Variants in CATSPERE observed in about 807,000 individuals in gnomAD.
CATSPERE encodes catsper channel auxiliary subunit epsilon.
CATSPERE carries 93 observed loss-of-function variants against 114.1 expected under a neutral mutation model. The observed-to-expected ratio is 0.81, with a 90% CI of 0.69 to 0.97. The LOEUF is 0.97. CATSPERE is among the 50% of genes least tolerant of loss of function. CATSPERE has a pLI of 0.00. For missense variants in CATSPERE, 1,058 were observed against 1,131.6 expected (o/e 0.93, Z 0.93); for synonymous variants, 341 against 384.1 (o/e 0.89, Z 1.31).
intron 13 of CATSPERE, among the ~76,000 whole-genome samples, chr1:244,586,061 A>T (rs1242432356): frequency 6.6e-6 from 1 of 152,178 alleles, no homozygotes; most frequent in Non-Finnish European, 1.5e-5. Context: ...TTAAGGCAGG[A>T]GCTGTCCGGC....
chr1:244,574,848 A>G (rs1187279264), intron 11 of CATSPERE, among the ~76,000 whole-genome samples: 1 of 152,230 alleles, frequency 6.6e-6, no homozygotes, highest in Non-Finnish European at 1.5e-5. Context: ...TTACTTTTAA[A>G]TTATACAATA....
At chr1:244,457,100 T>TA (rs936104711), upstream of CATSPERE, among the ~76,000 whole-genome samples, 5 of 152,066 alleles carry the variant, frequency 3.3e-5, no homozygotes, top group South Asian at 4.1e-4. Flanking sequence ...AGGGTGAATC[T>TA]AAAAAAAATT....
intron 8 of CATSPERE, among the ~76,000 whole-genome samples, chr1:244,542,329 C>G (rs1328839529): frequency 6.6e-6 from 1 of 152,056 alleles, no homozygotes; most frequent in Non-Finnish European, 1.5e-5. Flanking sequence ...CTGTGCTTTT[C>G]TGTTTTTAAA....
rs1664300127 is a variant in CATSPERE at position 244,570,664 on chromosome 1, G to T, written c.1508-1666G>T. Among the ~76,000 whole-genome samples the T allele has an allele frequency of 2.0e-5, 3 of 152,302 alleles. No homozygotes were observed. The South Asian group carries it at 6.2e-4, about 32-fold the overall frequency. ...AAAGCAAGGATGATTTATAAGGTTT[G>T]TAGTCAGCAGTGTGATCAGCAAAAG... On this transcript the variant is annotated intron_variant, in intron 10 of 21. Coordinates refer to ENST00000366534, the MANE Select transcript of CATSPERE (RefSeq NM_001130957.2).
chr1:244,517,456 C>A (rs1676819899), intron 7 of CATSPERE, among the ~76,000 whole-genome samples: 1 of 151,742 alleles, frequency 6.6e-6, no homozygotes, highest in Admixed American at 6.6e-5. Flanking sequence ...ATTTATTAGG[C>A]AAACCTGTAT....
rs536688836 is a variant in CATSPERE at position 244,631,818 on chromosome 1, G to A, written c.2649-3671G>A. ...CAATATCAAATCTGACAAGGATATG[G>A]AATATCAGGAACTCTCATTCATTGC... On this transcript the variant is annotated intron_variant, in intron 20 of 21. Coordinates refer to ENST00000366534, the MANE Select transcript of CATSPERE (RefSeq NM_001130957.2). 3.3e-5 allele frequency among the ~76,000 whole-genome samples: 5 copies of A among 152,316 alleles called. No individual in the cohort carries two copies. In the East Asian group the frequency reaches 7.7e-4, roughly 23 times the overall value.
Position 244,461,480 on chromosome 1 carries a change from C to T in CATSPERE, c.51C>T (p.Gly17=). Residue 17 remains glycine (G), a synonymous_variant, in exon 1 of 22, where the codon GGC becomes GGT. Transcript: ENST00000366534. ...AVLLLWLSCY[G]SALWRYSTNS... ...TGCTGCTGTGGCTGAGCTGCTATGG[C>T]TCCGCCCTTTGGAGGTAGAGAGACG... 11 of 1,335,096 alleles carry T rather than the reference C, an allele frequency of 8.2e-6. No homozygotes were observed. The highest frequency in any genetic ancestry group is 1.5e-5 in the African/African-American group (1 of 66,312). 82.7% of individuals were successfully genotyped at this position (1,335,096 alleles called of 1,614,324 possible). A position where few individuals can be genotyped will look rare whatever the true frequency, so the allele number is the denominator to read the frequency against.
chr1:244,552,298 A>C, intron 8 of CATSPERE, 24 bp from the exon 9 acceptor site: 1 of 1,568,488 alleles, frequency 6.4e-7, no homozygotes, highest in South Asian at 1.2e-5. Flanking sequence ...AGATCATTTT[A>C]TTCTCTTTTC....
chr1:244,489,305 C>T (rs760209954), intron 5 of CATSPERE, among the ~76,000 whole-genome samples: 1 of 151,862 alleles, frequency 6.6e-6, no homozygotes, highest in Non-Finnish European at 1.5e-5. Context: ...ATTTGTCATG[C>T]TAAAAGACAA....
intron 19 of CATSPERE, among the ~76,000 whole-genome samples, chr1:244,610,813 G>T (rs1008045140): frequency 2.4e-4 from 37 of 151,260 alleles, no homozygotes; most frequent in African/African-American, 7.5e-4. Context: ...TAAGCTGGAG[G>T]GCAGTGGCAC....
chr1:244,577,056 GTTTC>G (rs1209575210), intron 11 of CATSPERE, among the ~76,000 whole-genome samples: 1 of 151,624 alleles, frequency 6.6e-6, no homozygotes, highest in Non-Finnish European at 1.5e-5. Context: ...TCCTATTTCA[GTTTC>G]TTTAAGATAA....
At chr1:244,562,404 A>T (rs1358995320) in intron 10 of CATSPERE, among the ~76,000 whole-genome samples, 1 of 152,192 alleles carries the variant, frequency 6.6e-6, no homozygotes, top group Non-Finnish European at 1.5e-5. Flanking sequence ...GAAAATATGC[A>T]TATGTACACA....
intron 7 of CATSPERE, 65 bp downstream of exon 7, chr1:244,499,144 T>C: frequency 8.0e-7 from 1 of 1,245,760 alleles, no homozygotes; most frequent in Non-Finnish European, 1.2e-6. Context: ...GTAGGGACTG[T>C]GAAAAATTTA....
chr1:244,610,648 G>A (rs1423411563), intron 19 of CATSPERE: 2 of 292,890 alleles, frequency 6.8e-6, no homozygotes, highest in African/African-American at 4.3e-5. Flanking sequence ...TTAACCTCAG[G>A]TCTTTACTGA....
chr1:244,508,027 G>A (rs1317415156), intron 7 of CATSPERE, among the ~76,000 whole-genome samples: 1 of 151,990 alleles, frequency 6.6e-6, no homozygotes, highest in African/African-American at 2.4e-5. Context: ...TATTTTGATA[G>A]AGATTGCATT....
chr1:244,606,290 C>T (rs1407427860), intron 18 of CATSPERE, among the ~76,000 whole-genome samples: 2 of 152,254 alleles, frequency 1.3e-5, no homozygotes, highest in South Asian at 2.1e-4. Flanking sequence ...TATCCTTTCA[C>T]TTTGTAGGCC....
chr1:244,553,718 T>C (rs1156367592), intron 9 of CATSPERE, among the ~76,000 whole-genome samples: 2 of 151,486 alleles, frequency 1.3e-5, no homozygotes, highest in East Asian at 1.9e-4. Context: ...CTAGAACTTA[T>C]TTCTTCTATC....
chr1:244,623,100 T>A (rs1403994568), intron 20 of CATSPERE, among the ~76,000 whole-genome samples: 1 of 136,960 alleles, frequency 7.3e-6, no homozygotes, highest in South Asian at 2.4e-4. Flanking sequence ...TGAGACTGAG[T>A]CTTGCTCTGT....
intron 8 of CATSPERE, among the ~76,000 whole-genome samples, chr1:244,541,387 C>A (rs1658694376): frequency 1.3e-5 from 2 of 149,484 alleles, no homozygotes; most frequent in African/African-American, 2.5e-5. Context: ...ATTTATGCAG[C>A]CAAAAAACAC....
Sources: allele counts gnomAD v4.1 joint callset (sites outside exome capture counted in the v4.1 genomes callset), GRCh38; gene constraint gnomAD v4.1.1; transcripts MANE v1.5; gene names NCBI Gene and HGNC (gene_info 2026-07-23, HGNC 2026-07-21).